TRHDE: variants seen among roughly 807,000 people sequenced by gnomAD.
The protein encoded by TRHDE is thyrotropin releasing hormone degrading enzyme.
In TRHDE, 72 loss-of-function variants were observed where a neutral mutation model predicts 125.7. The observed-to-expected ratio is 0.57, with a 90% confidence interval of 0.47 to 0.70. The LOEUF is 0.70. Ranked by LOEUF, TRHDE falls within the 30% of genes least tolerant of loss-of-function variation. The probability of loss-of-function intolerance (pLI) is 0.00; values close to 1 mark genes in which losing one functional copy is unlikely to be tolerated. For synonymous variants in TRHDE, 509 were observed against 509.1 expected, an observed-to-expected ratio of 1.00 and a Z score of 0.00; for missense variants, 1,110 against 1,327.1, an observed-to-expected ratio of 0.84 and a Z score of 2.54.
At chr12:72,491,644 T>G (rs1877690110) in intron 5 of TRHDE, among the ~76,000 whole-genome samples, 1 of 151,916 alleles carries the variant, frequency 6.6e-6, no homozygotes, top group South Asian at 2.1e-4. Context: ...TTAACCCACT[T>G]TCTCTGTGTT....
Position 72,093,410 on chromosome 12 carries a change from G to A in TRHDE, n.174+5971G>A, listed in dbSNP as rs114742192. 7.6e-3 allele frequency among the ~76,000 whole-genome samples: 1,159 copies of A among 152,176 alleles called. 20 individuals are homozygous for A. Among genetic ancestry groups the A allele is most frequent in the African/African-American group, 0.027 (1,118 of 41,546 alleles). ...TTTCAGTCATTATTTATTTAAATAA[G>A]CTTTCTGTGTTTTTCTTCCTTTTCC... On this transcript the variant is annotated intron_variant and non_coding_transcript_variant, in intron 1 of 4. Transcript: ENST00000548156.
At chr12:72,169,607 C>G (rs1361658031) in intron 2 of TRHDE, among the ~76,000 whole-genome samples, 1 of 151,976 alleles carries the variant, frequency 6.6e-6, no homozygotes, top group Non-Finnish European at 1.5e-5. Context: ...GTAATCCCAG[C>G]ACTTTGGAAG....
chr12:72,490,107 G>A (rs1294584976), intron 5 of TRHDE, among the ~76,000 whole-genome samples: 3 of 151,766 alleles, frequency 2.0e-5, no homozygotes, highest in East Asian at 1.9e-4. Flanking sequence ...AGGTATTGAT[G>A]TCCAAAAGAT....
chr12:72,150,881 C>G lies in TRHDE; in HGVS notation n.279+45129C>G, dbSNP rs1876345796. 3.3e-5 allele frequency among the ~76,000 whole-genome samples: 5 copies of G among 152,166 alleles called. No homozygotes were observed. The South Asian group carries it at 1.0e-3, about 32-fold the overall frequency. On this transcript the variant is annotated intron_variant and non_coding_transcript_variant, in intron 2 of 4. Coordinates refer to the TRHDE transcript ENST00000548156. ...CATACACGTGCATGTGTCTTTATAG[C>G]AGCATGTTTTATAATCTTTTGGGTA...
chr12:72,628,054 C>T (rs567293446), intron 15 of TRHDE, among the ~76,000 whole-genome samples: 39 of 151,842 alleles, frequency 2.6e-4, no homozygotes, highest in Non-Finnish European at 5.0e-4. Flanking sequence ...CAAACTCTTA[C>T]AGTACTTGAT....
upstream of TRHDE, among the ~76,000 whole-genome samples, chr12:72,270,737 T>C (rs1262144445): frequency 1.3e-5 from 2 of 152,194 alleles, no homozygotes; most frequent in African/African-American, 4.8e-5. Context: ...ACCTTTGGGG[T>C]GGCTGTTTTC....
intron 15 of TRHDE, among the ~76,000 whole-genome samples, chr12:72,626,430 T>A (rs141894943): frequency 3.9e-4 from 60 of 152,040 alleles, no homozygotes; most frequent in African/African-American, 1.4e-3. Context: ...GTGGGGACAG[T>A]AGAGATAGTA....
At chr12:72,141,212 A>C (rs1231544618) in intron 2 of TRHDE, among the ~76,000 whole-genome samples, 1 of 152,250 alleles carries the variant, frequency 6.6e-6, no homozygotes, top group East Asian at 1.9e-4. Context: ...CTATGAATAA[A>C]ATGCTATTTT....
At chr12:72,614,619 T>A (rs900760168) in intron 12 of TRHDE, among the ~76,000 whole-genome samples, 2 of 152,022 alleles carry the variant, frequency 1.3e-5, no homozygotes, top group Non-Finnish European at 2.9e-5. Flanking sequence ...AGGAGACTAT[T>A]TTTTGGCTTT....
At chr12:72,606,755 A>G (rs1347194) in intron 12 of TRHDE, among the ~76,000 whole-genome samples, 61,631 of 151,948 alleles carry the variant, frequency 0.41, 14,572 homozygotes, top group African/African-American at 0.65. Flanking sequence ...GTGTAATGAA[A>G]CTGCTGTATC....
chr12:72,148,034 G>C lies in TRHDE; in HGVS notation n.279+42282G>C, dbSNP rs529081169. Among the ~76,000 whole-genome samples the C allele has an allele frequency of 3.3e-5, 5 of 152,310 alleles. No individual in the cohort carries two copies. In the South Asian group the frequency reaches 1.0e-3, roughly 32 times the overall value. On this transcript the variant is annotated intron_variant and non_coding_transcript_variant, in intron 2 of 4. Coordinates refer to the TRHDE transcript ENST00000548156. ...GCAGTTTTCACACTGTACATCAAAT[G>C]ACATGACTTACCTTATTTAAACTTT...
intron 2 of TRHDE, among the ~76,000 whole-genome samples, chr12:72,138,408 A>G (rs914956239): frequency 1.3e-5 from 2 of 152,182 alleles, no homozygotes; most frequent in Non-Finnish European, 2.9e-5. Context: ...AACCAAAACA[A>G]AACAAAGCAA....
chr12:72,178,534 C>T (rs1394715712), intron 2 of TRHDE, among the ~76,000 whole-genome samples: 1 of 152,084 alleles, frequency 6.6e-6, no homozygotes, highest in East Asian at 1.9e-4. Flanking sequence ...ATCTCAATAA[C>T]AGAGAGGAAC....
At chr12:72,634,422 TC>T (rs1295784189) in intron 15 of TRHDE, among the ~76,000 whole-genome samples, 3 of 151,872 alleles carry the variant, frequency 2.0e-5, no homozygotes, top group African/African-American at 7.3e-5. Context: ...TGGAATATTT[TC>T]TTTTTTTTTT....
In TRHDE at chr12:72,379,499, C is replaced by G. The variant is rs372113465; in HGVS notation, c.1315+1378C>G. ...TTTGCATGGAAGGTGGCACTGTTAT[C>G]TACTCCAGGTATAACTGGCTGGGAA... On this transcript the variant is annotated intron_variant, in intron 3 of 18. Coordinates refer to ENST00000261180, the MANE Select transcript of TRHDE (RefSeq NM_013381.3). Among the ~76,000 whole-genome samples, 7 of 152,340 alleles carry G rather than the reference C, an allele frequency of 4.6e-5. No homozygotes were observed. In the South Asian group the frequency reaches 1.2e-3, roughly 27 times the overall value.
At chr12:72,441,693 G>A (rs486900) in intron 3 of TRHDE, among the ~76,000 whole-genome samples, 19,986 of 151,784 alleles carry the variant, frequency 0.13, 1,796 homozygotes, top group East Asian at 0.48. Context: ...CAGAGAACTC[G>A]AAGCTATTCC....
chr12:72,663,022 G>A (rs373509815), intron 18 of TRHDE, 30 bp from the exon 19 acceptor site: 4 of 1,590,588 alleles, frequency 2.5e-6, no homozygotes, highest in Non-Finnish European at 2.6e-6. Context: ...AAGACAGGCA[G>A]ATTTACCATT....
In TRHDE at chr12:72,663,927, T is replaced by A. The variant is rs1330821899; in HGVS notation, c.*732T>A. 1 of 152,168 alleles carries A rather than the reference T, an allele frequency of 6.6e-6. No homozygotes were observed. Among genetic ancestry groups the A allele is most frequent in the African/African-American group, 2.4e-5 (1 of 41,480 alleles). The allele number at this position is 152,168 out of a possible 1,614,324, so 9.4% of individuals were successfully genotyped here. A position where few individuals can be genotyped will look rare whatever the true frequency, so the allele number is the denominator to read the frequency against. The stretch of plus-strand genomic sequence containing the variant: ...TATAGTATGTTGTACACTGCACATG[T>A]ACAAAGAATGTCTTCAGATCAAAGA... On this transcript the variant is annotated 3_prime_UTR_variant, in exon 19 of 19. Coordinates refer to ENST00000261180, the MANE Select transcript of TRHDE (RefSeq NM_013381.3).
intron 3 of TRHDE, among the ~76,000 whole-genome samples, chr12:72,438,619 A>G (rs1874856933): frequency 6.6e-6 from 1 of 151,762 alleles, no homozygotes; most frequent in African/African-American, 2.4e-5. Context: ...TTTTGTGATC[A>G]TATTTTCTTC....
Sources: gnomAD v4.1 joint callset for allele counts (sites outside exome capture counted in the v4.1 genomes callset) on GRCh38, gnomAD v4.1.1 for gene constraint, MANE v1.5 for transcripts, NCBI Gene and HGNC (gene_info 2026-07-23, HGNC 2026-07-21) for gene names.